The following ATXN1 variants were observed in gnomAD, a reference collection of about 807,000 sequenced individuals.
The protein encoded by ATXN1 is ataxin 1.
In ATXN1, 8 loss-of-function variants were observed where a neutral mutation model predicts 56.4. That is an observed-to-expected ratio of 0.14 (90% CI 0.08 to 0.26). The LOEUF is 0.26. ATXN1 is among the 10% of genes least tolerant of loss of function. The pLI is 1.00. For missense variants in ATXN1, 987 were observed against 1,106.5 expected (o/e 0.89, Z 1.53); for synonymous variants, 514 against 494.6 (o/e 1.04, Z -0.52).
At position 16,594,507 on chromosome 6, in the gene ATXN1, G is replaced by A. The variant is rs56036913; in HGVS notation, c.-488-8600C>T. 5.3e-3 allele frequency among the ~76,000 whole-genome samples: 772 copies of A among 146,214 alleles called. 6 individuals are homozygous for A. The highest frequency in any genetic ancestry group is 0.018 in the African/African-American group (719 of 38,970). ...TTTTTATTTATTTATTTTTTGAGACGGAGTCTCATTCTGTCGCCAGGCTGG... is the reference window on the plus strand; with the variant it reads ...TTTTTATTTATTTATTTTTTGAGACAGAGTCTCATTCTGTCGCCAGGCTGG... On this transcript the variant is annotated intron_variant, in intron 3 of 7. Transcript: ENST00000436367.
intron 7 of ATXN1, among the ~76,000 whole-genome samples, chr6:16,316,980 A>C (rs1039087795): frequency 8.0e-5 from 12 of 149,690 alleles, no homozygotes; most frequent in Non-Finnish European, 2.9e-5. Context: ...CCTAACAGGC[A>C]GCTTTCTCAG....
At chr6:16,609,754 C>T (rs542212244) in intron 3 of ATXN1, among the ~76,000 whole-genome samples, 1 of 152,006 alleles carries the variant, frequency 6.6e-6, no homozygotes, top group Non-Finnish European at 1.5e-5. Flanking sequence ...AAACAAGAAA[C>T]ATCCAAGAAA....
intron 3 of ATXN1, among the ~76,000 whole-genome samples, chr6:16,655,165 T>C (rs565596444): frequency 1.3e-5 from 2 of 151,960 alleles, no homozygotes; most frequent in Admixed American, 1.3e-4. Flanking sequence ...AAGGAAAAAG[T>C]CAGATCCCCT....
At chr6:16,325,407 T>C (rs1304279035) in intron 7 of ATXN1, among the ~76,000 whole-genome samples, 1 of 152,072 alleles carries the variant, frequency 6.6e-6, no homozygotes, top group Non-Finnish European at 1.5e-5. Context: ...TGTGAGCCAC[T>C]GTGCCCAGCC....
intron 2 of ATXN1, among the ~76,000 whole-genome samples, chr6:16,719,780 T>C (rs1020010455): frequency 3.3e-5 from 5 of 152,172 alleles, no homozygotes; most frequent in Admixed American, 2.6e-4. Flanking sequence ...GAGAAGGCCA[T>C]GTGAAAACAG....
At chr6:16,384,947 G>A (rs1245096394) in intron 6 of ATXN1, among the ~76,000 whole-genome samples, 2 of 152,220 alleles carry the variant, frequency 1.3e-5, no homozygotes, top group Non-Finnish European at 2.9e-5. Flanking sequence ...CAAGAGAACA[G>A]ACACTAAAAA....
intron 3 of ATXN1, among the ~76,000 whole-genome samples, chr6:16,656,850 C>A (rs1417645183): frequency 6.6e-6 from 1 of 152,078 alleles, no homozygotes; most frequent in African/African-American, 2.4e-5. Flanking sequence ...GCTTATTGCT[C>A]CTAGGCTACA....
intron 2 of ATXN1, among the ~76,000 whole-genome samples, chr6:16,659,950 A>C (rs79800590): frequency 6.6e-6 from 1 of 152,152 alleles, no homozygotes; most frequent in East Asian, 1.9e-4. Context: ...AGAAAAAAAA[A>C]ATAAGGACTC....
chr6:16,368,365 T>C (rs1761972943), intron 6 of ATXN1, among the ~76,000 whole-genome samples: 1 of 148,006 alleles, frequency 6.8e-6, no homozygotes, highest in African/African-American at 2.5e-5. Context: ...TTTTTTTTTT[T>C]TTGGTGATAT....
chr6:16,563,694 C>A (rs1163108157), intron 4 of ATXN1, among the ~76,000 whole-genome samples: 1 of 152,012 alleles, frequency 6.6e-6, no homozygotes, highest in Non-Finnish European at 1.5e-5. Flanking sequence ...GTGGCAGTAT[C>A]TCTGGGAAGC....
intron 2 of ATXN1, among the ~76,000 whole-genome samples, chr6:16,744,478 G>T (rs1760455229): frequency 6.6e-6 from 1 of 152,114 alleles, no homozygotes; most frequent in African/African-American, 2.4e-5. Flanking sequence ...CAGGGAGGCT[G>T]CCAGACATGT....
intron 2 of ATXN1, among the ~76,000 whole-genome samples, chr6:16,670,039 T>C (rs576654809): frequency 6.6e-6 from 1 of 152,054 alleles, no homozygotes; most frequent in East Asian, 1.9e-4. Flanking sequence ...TCAGAGAGAC[T>C]CCTGGGTCTG....
chr6:16,606,196 A>T (rs1002180136), intron 3 of ATXN1, among the ~76,000 whole-genome samples: 1 of 152,152 alleles, frequency 6.6e-6, no homozygotes, highest in South Asian at 2.1e-4. Context: ...GAGTTATGGG[A>T]TGAGATAAGG....
In ATXN1 at chr6:16,299,812, A is replaced by G. The variant is rs956096277; in HGVS notation, c.*6517T>C. The G allele has an allele frequency of 2.0e-5, 3 of 152,672 alleles. No homozygotes were observed. The highest frequency in any genetic ancestry group is 7.2e-5 in the African/African-American group (3 of 41,458). 9.5% of individuals were successfully genotyped at this position (152,672 alleles called of 1,614,324 possible). ...ATTTGGGTTTAGAGTTGAGCAGTTC[A>G]GGCTGGGGAGATGAGGAAACCCCGC... is the stretch of plus-strand genomic sequence containing the variant. On this transcript the variant is annotated 3_prime_UTR_variant, in exon 8 of 8. Transcript: ENST00000436367.
intron 6 of ATXN1, among the ~76,000 whole-genome samples, chr6:16,420,361 G>C (rs1006267030): frequency 2.6e-5 from 4 of 152,168 alleles, no homozygotes; most frequent in Non-Finnish European, 5.9e-5. Context: ...TGCATTTACT[G>C]TCTGTATCAC....
intron 2 of ATXN1, among the ~76,000 whole-genome samples, chr6:16,672,855 G>A (rs749602006): frequency 3.3e-5 from 5 of 151,786 alleles, no homozygotes; most frequent in Admixed American, 6.6e-5. Context: ...CCCCACTCTA[G>A]TAAAAATATA....
At chr6:16,311,331 T>A (rs1467746996) in intron 7 of ATXN1, among the ~76,000 whole-genome samples, 3 of 152,184 alleles carry the variant, frequency 2.0e-5, no homozygotes, top group Non-Finnish European at 4.4e-5. Flanking sequence ...CCAAACCCAT[T>A]TTCTTTTTTC....
intron 6 of ATXN1, among the ~76,000 whole-genome samples, chr6:16,333,513 C>A (rs1197264741): frequency 6.6e-6 from 1 of 152,140 alleles, no homozygotes; most frequent in Non-Finnish European, 1.5e-5. Flanking sequence ...GATATATAAA[C>A]TCCTAAAAAT....
chr6:16,361,751 AT>A (rs1449702329), intron 6 of ATXN1, among the ~76,000 whole-genome samples: 1 of 152,224 alleles, frequency 6.6e-6, no homozygotes, highest in African/African-American at 2.4e-5. Flanking sequence ...TGTCAGATGC[AT>A]AATTCAGTTG....
Sources: allele counts gnomAD v4.1 joint callset (sites outside exome capture counted in the v4.1 genomes callset), GRCh38; gene constraint gnomAD v4.1.1; transcripts MANE v1.5; gene names NCBI Gene and HGNC (gene_info 2026-07-23, HGNC 2026-07-21).